The following GREP1 variants were observed in gnomAD, a reference collection of about 807,000 sequenced individuals.
GREP1 encodes the protein glycine-rich extracellular protein 1.
At chr16:2,988,784 G>A (rs1407407961) in intron 2 of GREP1, among the ~76,000 whole-genome samples, 162 bp downstream of exon 2, 1 of 152,178 alleles carries the variant, frequency 6.6e-6, no homozygotes, top group Non-Finnish European at 1.5e-5. Flanking sequence ...TCAAGGGTGG[G>A]GAGCACAGAC....
At position 2,997,050 on chromosome 16, in the gene GREP1, C is replaced by T. The variant is rs2072428591; in HGVS notation, c.851C>T (p.Pro284Leu). 2 of 399,206 alleles carry T rather than the reference C, an allele frequency of 5.0e-6. No individual in the cohort carries two copies. The highest frequency in any genetic ancestry group is 3.6e-5 in the East Asian group (1 of 28,076). The allele number at this position is 399,206 out of a possible 1,614,324, so 24.7% of individuals were successfully genotyped here. A position where few individuals can be genotyped will look rare whatever the true frequency, so the allele number is the denominator to read the frequency against. Reference sequence around the variant, plus strand: ...CCTCACTTGCTCCCTTTCTCTTCACCAGGCTATTTGGGGGTTATGAAGGCC... The same window carrying T: ...CCTCACTTGCTCCCTTTCTCTTCACTAGGCTATTTGGGGGTTATGAAGGCC... The change falls in exon 21 of 35, where the codon CCA becomes CTA. Residue 284 changes from proline to leucine, a missense_variant. Coordinates refer to ENST00000573315, the Ensembl canonical transcript of GREP1.
At chr16:2,993,720 G>A (rs2072410255) in intron 10 of GREP1, 1 of 151,988 alleles carries the variant, frequency 6.6e-6, no homozygotes, top group African/African-American at 2.4e-5. Flanking sequence ...AGCACTTTGG[G>A]AGGCTGAGGC....
Position 2,997,337 on chromosome 16 carries a change from C to A in GREP1, c.887-52C>A, listed in dbSNP as rs537673380. 6 of 398,600 alleles carry A rather than the reference C, an allele frequency of 1.5e-5. No homozygotes were observed. In the South Asian group the frequency reaches 5.1e-4, roughly 34 times the overall value. The allele number at this position is 398,600 out of a possible 1,614,324, so 24.7% of individuals were successfully genotyped here. A position where few individuals can be genotyped will look rare whatever the true frequency, so the allele number is the denominator to read the frequency against. ...GAAAGGGGATCCAAAGGCCCTTCGC[C>A]CTCTCCTTAGCTAGAATCCCAAACC... On this transcript the variant is annotated intron_variant, in intron 21 of 34. Coordinates refer to ENST00000573315, the Ensembl canonical transcript of GREP1.
exon 35 of GREP1, chr16:3,001,711 G>C: frequency 2.5e-6 from 1 of 398,736 alleles, no homozygotes; most frequent in Non-Finnish European, 4.4e-6. Context: ...TTGCCTCCGC[G>C]TGCCATGCAA....
At chr16:2,995,900 A>G in exon 18 of GREP1, 1 of 397,564 alleles carries the variant, frequency 2.5e-6, no homozygotes, top group Non-Finnish European at 4.4e-6. Flanking sequence ...CTGGGGCTGG[A>G]ACCCAGCCAG....
In GREP1 at chr16:2,989,603, G is replaced by C. The variant is rs1432461520; in HGVS notation, c.130+51G>C. 3 of 400,786 alleles carry C rather than the reference G, an allele frequency of 7.5e-6. No individual in the cohort carries two copies. Among genetic ancestry groups the C allele is most frequent in the Admixed American group, 4.4e-5 (1 of 22,738 alleles). The allele number at this position is 400,786 out of a possible 1,614,324, so 24.8% of individuals were successfully genotyped here. On this transcript the variant is annotated intron_variant, in intron 3 of 34. Transcript: ENST00000573315. The surrounding 1 kb of genome is among the most constrained non-coding windows in gnomAD (Gnocchi z 4.2). Reference sequence around the variant, plus strand: ...GCGTCTGAGGGCAGGGCACGGGGCAGGGGGGAGGCAGGACAGGAACAGGGA... The same window carrying C: ...GCGTCTGAGGGCAGGGCACGGGGCACGGGGGAGGCAGGACAGGAACAGGGA...
chr16:2,989,553 G>A lies in GREP1; in HGVS notation c.130+1G>A. On this transcript the variant is annotated splice_donor_variant, in intron 3 of 34. Coordinates refer to ENST00000573315, the Ensembl canonical transcript of GREP1. LOFTEE classifies it high-confidence loss of function. This position sits in a 1 kb window ranked among gnomAD's most constrained non-coding sequence, Gnocchi z 4.2. ...GGCCCCCACAGTGGCCTGGGAGCAG[G>A]TGAGGCCTGGCATAGGGAAGGGAGG... The A allele has an allele frequency of 5.0e-6, 2 of 399,694 alleles. No individual in the cohort carries two copies. The highest frequency in any genetic ancestry group is 8.8e-6 in the Non-Finnish European group (2 of 226,540). 24.8% of individuals were successfully genotyped at this position (399,694 alleles called of 1,614,324 possible). A position where few individuals can be genotyped will look rare whatever the true frequency, so the allele number is the denominator to read the frequency against.
At chr16:2,996,865 A>G (rs2072427431) in intron 20 of GREP1, 160 bp downstream of exon 19, 5 of 398,906 alleles carry the variant, frequency 1.3e-5, no homozygotes. Flanking sequence ...TTGGGGAGAG[A>G]CTGAGAGCCC....
At chr16:3,001,442 C>A in intron 34 of GREP1, 108 bp downstream of exon 28, 1 of 399,074 alleles carries the variant, frequency 2.5e-6, no homozygotes, top group Non-Finnish European at 4.4e-6. Context: ...GCAGGTTCTG[C>A]CACCTGTAGG....
intron 7 of GREP1, 35 bp downstream of exon 6, chr16:2,990,622 G>T: frequency 2.5e-6 from 1 of 399,180 alleles, no homozygotes; most frequent in Non-Finnish European, 4.4e-6. Context: ...GAATGGGAGG[G>T]GCTTGGGGGT....
chr16:2,999,212 A>C (rs2072444616), intron 26 of GREP1: 1 of 398,706 alleles, frequency 2.5e-6, no homozygotes, highest in Non-Finnish European at 4.4e-6. Context: ...GCAGTCTCTC[A>C]AGCCCTCGGC....
rs886581946 is a variant in GREP1 at position 2,989,791 on chromosome 16, A to G, written c.131-183A>G. 6.6e-6 allele frequency among the ~76,000 whole-genome samples: 1 copy of G among 151,772 alleles called. No homozygotes were observed. The highest frequency in any genetic ancestry group is 2.4e-5 in the African/African-American group (1 of 41,300). The stretch of plus-strand genomic sequence containing the variant: ...GAAGAAAGGAAAGAGAGCAGAAAGG[A>G]AGGAGAGAGGGAAGGAGGGAGGGAA... On this transcript the variant is annotated intron_variant, in intron 3 of 34. Transcript: ENST00000573315. This position sits in a 1 kb window ranked among gnomAD's most constrained non-coding sequence, Gnocchi z 4.2.
chr16:2,996,082 A>T (rs567949228), intron 18 of GREP1, among the ~76,000 whole-genome samples: 1 of 152,070 alleles, frequency 6.6e-6, no homozygotes, highest in Non-Finnish European at 1.5e-5. Flanking sequence ...ACAGACACCC[A>T]CCACCGCACC....
chr16:2,994,815 G>A, exon 12 of GREP1: 1 of 399,160 alleles, frequency 2.5e-6, no homozygotes, highest in Non-Finnish European at 4.4e-6. Context: ...GGCTATGTGG[G>A]GGCCGTCAAA....
chr16:3,001,524 C>A (rs1339622965), intron 34 of GREP1, 37 bp from the exon 29 acceptor site: 1 of 398,980 alleles, frequency 2.5e-6, no homozygotes, highest in Non-Finnish European at 4.4e-6. Context: ...CTCACCAGGG[C>A]CCCGCCCCTC....
At chr16:2,988,369 T>A in intron 1 of GREP1, 29 bp downstream of exon 1, 3 of 398,882 alleles carry the variant, frequency 7.5e-6, no homozygotes, top group Non-Finnish European at 1.3e-5. Context: ...GGCTGGGGGT[T>A]GGAGAATGGG....
chr16:2,995,462 C>T (rs918475219), intron 15 of GREP1, 146 bp downstream of exon 15: 16 of 398,870 alleles, frequency 4.0e-5, no homozygotes, highest in Non-Finnish European at 6.6e-5. Context: ...GTCTGGGGTT[C>T]TACCCCTGGG....
Position 2,997,000 on chromosome 16 carries a change from AGGTCCAGAGCGGAGGCCTTG to A in GREP1, c.807_826del (p.Glu270SerfsTer56), listed in dbSNP as rs2072428207. 1 of 399,190 alleles carries A rather than the reference AGGTCCAGAGCGGAGGCCTTG, an allele frequency of 2.5e-6. No homozygotes were observed. The highest frequency in any genetic ancestry group is 4.4e-6 in the Non-Finnish European group (1 of 226,252). 24.7% of individuals were successfully genotyped at this position (399,190 alleles called of 1,614,324 possible). On this transcript the variant is annotated frameshift_variant, in exon 21 of 35. Transcript: ENST00000573315. LOFTEE classifies it high-confidence loss of function. ...GAAGGGGCAGGGCTGGGGTTCCAGG[AGGTCCAGAGCGGAGGCCTTG>A]GGTCCCTCACTTGCTCCCTTTCTCT... is the stretch of plus-strand genomic sequence containing the variant.
chr16:2,995,862 G>A (rs1396032244), exon 18 of GREP1: 2 of 398,476 alleles, frequency 5.0e-6, no homozygotes, highest in Non-Finnish European at 4.4e-6. Context: ...TCCAGGATAT[G>A]GGAAAAGGCT....
Sources: allele counts gnomAD v4.1 joint callset (sites outside exome capture counted in the v4.1 genomes callset), GRCh38; gene constraint gnomAD v4.1.1; non-coding constraint Gnocchi (gnomAD v3.1); transcripts MANE v1.5; gene names NCBI Gene and HGNC (gene_info 2026-07-23, HGNC 2026-07-21).